KCNK9: variants seen among roughly 807,000 people sequenced by gnomAD.
The protein encoded by KCNK9 is potassium two pore domain channel subfamily K member 9.
KCNK9 carries 1 observed loss-of-function variant against 10.8 expected under a neutral mutation model. That is an observed-to-expected ratio of 0.09 (90% CI 0.03 to 0.44). The LOEUF (loss-of-function observed/expected upper bound fraction) is 0.44. Among genes scored for constraint, KCNK9 ranks in the 20% least tolerant of loss-of-function variants. The pLI is 0.97. For synonymous variants in KCNK9, 231 were observed against 222.7 expected, an observed-to-expected ratio of 1.04 and a Z score of -0.33; for missense variants, 303 against 515.0, an observed-to-expected ratio of 0.59 and a Z score of 3.98.
intron 1 of KCNK9, among the ~76,000 whole-genome samples, chr8:139,661,154 G>T (rs1816141239): frequency 6.6e-6 from 1 of 152,210 alleles, no homozygotes; most frequent in African/African-American, 2.4e-5. Flanking sequence ...CGCAGACAAG[G>T]TAGAGAGCTT....
At chr8:139,612,180 G>T (rs1814446832), downstream of KCNK9, 1 of 152,294 alleles carries the variant, frequency 6.6e-6, no homozygotes, top group South Asian at 2.1e-4. Context: ...AACGGCACGG[G>T]CAAAGGCGCA....
chr8:139,699,578 A>T (rs1817148033), intron 1 of KCNK9, among the ~76,000 whole-genome samples: 1 of 152,224 alleles, frequency 6.6e-6, no homozygotes, highest in African/African-American at 2.4e-5. Flanking sequence ...CAAAGGAAGC[A>T]AATGGGGAGG....
downstream of KCNK9, chr8:139,612,698 A>G (rs1019894315): frequency 6.6e-6 from 1 of 152,236 alleles, no homozygotes; most frequent in African/African-American, 2.4e-5. Flanking sequence ...ACAACATTTA[A>G]TATGACTTAT....
intron 1 of KCNK9, among the ~76,000 whole-genome samples, chr8:139,662,940 T>A (rs1454640632): frequency 6.6e-6 from 1 of 151,762 alleles, no homozygotes; most frequent in Admixed American, 6.6e-5. Flanking sequence ...TAGATGCGCC[T>A]TAGTGTGCAG....
At chr8:139,684,892 T>C (rs1177649054) in intron 1 of KCNK9, among the ~76,000 whole-genome samples, 4 of 152,124 alleles carry the variant, frequency 2.6e-5, no homozygotes, top group African/African-American at 2.4e-5. Flanking sequence ...CCTGAAATGA[T>C]GATGCTAAGA....
chr8:139,663,648 C>CGCGTGTGTGTGT, intron 1 of KCNK9, among the ~76,000 whole-genome samples: 1 of 137,600 alleles, frequency 7.3e-6, no homozygotes, highest in South Asian at 2.7e-4. Flanking sequence ...CGCGTGCGCA[C>CGCGTGTGTGTGT]GTGTGTGTGT....
intron 1 of KCNK9, among the ~76,000 whole-genome samples, chr8:139,687,664 A>T (rs866831041): frequency 8.6e-6 from 1 of 116,508 alleles, no homozygotes; most frequent in African/African-American, 3.1e-5. Context: ...TCATATGTAT[A>T]CATATGTATA....
chr8:139,640,990 ATG>A (rs2129644767), intron 1 of KCNK9, among the ~76,000 whole-genome samples: 1 of 152,260 alleles, frequency 6.6e-6, no homozygotes, highest in South Asian at 2.1e-4. Context: ...TTATTTTCAT[ATG>A]TGTGTTTCAG....
In KCNK9 at chr8:139,618,480, G is replaced by C; in HGVS notation, c.903C>G (p.Cys301Trp). ...PDLQSVCSCT[C>W]YRSQDYGGRS... is the part of the protein sequence containing the mutation. Reference sequence around the variant, plus strand: ...GGCCGCCATAGTCCTGCGAGCGGTAGCAGGTGCAGGAGCACACAGACTGCA... The same window carrying C: ...GGCCGCCATAGTCCTGCGAGCGGTACCAGGTGCAGGAGCACACAGACTGCA... The change falls in exon 2 of 2, where the codon TGC (cysteine) becomes TGG (tryptophan). Residue 301 changes from cysteine (C) to tryptophan (W), a missense_variant. Transcript: ENST00000520439. This position sits in a 1 kb window ranked among gnomAD's most constrained non-coding sequence, Gnocchi z 7.9. The C allele has an allele frequency of 1.9e-6, 3 of 1,613,946 alleles. No homozygotes were observed. Among genetic ancestry groups the C allele is most frequent in the Non-Finnish European group, 1.7e-6 (2 of 1,180,040 alleles).
At chr8:139,630,976 T>C (rs1815152216) in intron 1 of KCNK9, among the ~76,000 whole-genome samples, 1 of 152,206 alleles carries the variant, frequency 6.6e-6, no homozygotes, top group African/African-American at 2.4e-5. Context: ...ACGGAGAGCC[T>C]GTGCCTCAGG....
chr8:139,641,340 A>G (rs1232104583), intron 1 of KCNK9, among the ~76,000 whole-genome samples: 4 of 152,114 alleles, frequency 2.6e-5, no homozygotes, highest in African/African-American at 7.2e-5. Context: ...AAGTCATCCC[A>G]GCGCTCTCCC....
At chr8:139,634,743 C>G (rs1299959534) in intron 1 of KCNK9, among the ~76,000 whole-genome samples, 1 of 152,150 alleles carries the variant, frequency 6.6e-6, no homozygotes, top group African/African-American at 2.4e-5. Context: ...TGCCTCCTCC[C>G]GAGGTCATTT....
downstream of KCNK9, among the ~76,000 whole-genome samples, chr8:139,608,278 A>C (rs1814299838): frequency 6.6e-6 from 1 of 151,678 alleles, no homozygotes; most frequent in African/African-American, 2.4e-5. Context: ...GTCTCACACA[A>C]AGCTTCAGAC....
chr8:139,668,424 T>A (rs1453603897), intron 1 of KCNK9, among the ~76,000 whole-genome samples: 2 of 88,418 alleles, frequency 2.3e-5, no homozygotes, highest in Non-Finnish European at 4.7e-5. Context: ...AAACAATACT[T>A]TTTTTTTTTT....
intron 1 of KCNK9, among the ~76,000 whole-genome samples, chr8:139,647,520 C>T (rs1374843935): frequency 3.3e-5 from 5 of 152,172 alleles, no homozygotes; most frequent in East Asian, 3.9e-4. Context: ...TAGACGTGCA[C>T]GCGGCATGTT....
In KCNK9 at chr8:139,667,697, G is replaced by GA. The variant is rs1055516244; in HGVS notation, c.283+35012dup. ...GGCAACAGGGTGATACTCCATCTCA[G>GA]AAAAAAAAATGGTCCTCACAACATT... On this transcript the variant is annotated intron_variant, in intron 1 of 1. Transcript: ENST00000520439. Among the ~76,000 whole-genome samples the GA allele has an allele frequency of 1.7e-4, 25 of 149,552 alleles. 1 individual carries two copies. In the East Asian group the frequency reaches 2.3e-3, roughly 14 times the overall value.
intron 1 of KCNK9, among the ~76,000 whole-genome samples, chr8:139,663,313 C>G (rs747006479): frequency 1.3e-5 from 2 of 152,042 alleles, no homozygotes; most frequent in African/African-American, 2.4e-5. Flanking sequence ...CAGGTCAGCG[C>G]GAGGCCAACA....
In KCNK9 at chr8:139,646,816, A is replaced by C. The variant is rs1326717843; in HGVS notation, c.284-27717T>G. ...TCCTACAAATGGATTCAAAATACCC[A>C]TAGCAGAAACATAGAGAGCACCAAC... On this transcript the variant is annotated intron_variant, in intron 1 of 1. Coordinates refer to ENST00000520439, the MANE Select transcript of KCNK9 (RefSeq NM_001282534.2). 3.3e-5 allele frequency among the ~76,000 whole-genome samples: 5 copies of C among 152,370 alleles called. No individual in the cohort carries two copies. In the East Asian group the frequency reaches 9.6e-4, roughly 29 times the overall value.
intron 2 of KCNK9, among the ~76,000 whole-genome samples, chr8:139,603,580 T>A (rs1357773751): frequency 6.6e-6 from 1 of 152,186 alleles, no homozygotes; most frequent in African/African-American, 2.4e-5. Context: ...CTGTCTACAA[T>A]GAGGAAGACC....
Sources: gnomAD v4.1 joint callset for allele counts (sites outside exome capture counted in the v4.1 genomes callset) on GRCh38, gnomAD v4.1.1 for gene constraint, Gnocchi (gnomAD v3.1) non-coding constraint, MANE v1.5 for transcripts, NCBI Gene and HGNC (gene_info 2026-07-23, HGNC 2026-07-21) for gene names.